The following CAST variants were observed in gnomAD, a reference collection of about 807,000 sequenced individuals.
The protein encoded by CAST is MIR583 host.
A neutral mutation model predicts 119.6 loss-of-function variants in CAST; 76 were observed. The ratio of observed to expected loss-of-function variants is 0.64; its 90% CI spans 0.53 to 0.77. The LOEUF (loss-of-function observed/expected upper bound fraction) is 0.77. Among genes scored for constraint, CAST ranks in the 30% least tolerant of loss-of-function variants. The pLI, the probability that CAST is intolerant of heterozygous loss-of-function variation, is 0.00. For synonymous variants in CAST, 319 were observed against 331.6 expected (o/e 0.96, Z 0.41); for missense variants, 953 against 946.5 (o/e 1.01, Z -0.09).
At chr5:96,044,480 G>A in the CAST span, among the ~76,000 whole-genome samples, 1 of 152,138 alleles carries the variant, frequency 6.6e-6, no homozygotes, top group African/African-American at 2.4e-5. Context: ...CCAGTACTAT[G>A]AGAAATAAAT....
the CAST span, among the ~76,000 whole-genome samples, chr5:96,448,567 T>G: frequency 0.72 from 108,867 of 151,960 alleles, 39,630 homozygotes; most frequent in African/African-American, 0.84. Flanking sequence ...TCTGCTGCTT[T>G]CTGCCTTTTC....
chr5:96,475,440 T>C, the CAST span, among the ~76,000 whole-genome samples: 4 of 152,220 alleles, frequency 2.6e-5, no homozygotes, highest in Non-Finnish European at 5.9e-5. Context: ...TGTTGTCCTT[T>C]CAGTCTTGCA....
rs550215938 is a variant in CAST at position 96,753,910 on chromosome 5, A to G, written c.1525-150A>G. 2.7e-5 allele frequency: 16 copies of G among 591,716 alleles called. No individual in the cohort carries two copies. In the African/African-American group the frequency reaches 3.0e-4, roughly 11 times the overall value. 36.7% of individuals were successfully genotyped at this position (591,716 alleles called of 1,614,324 possible). A position where few individuals can be genotyped will look rare whatever the true frequency, so the allele number is the denominator to read the frequency against. On this transcript the variant is annotated intron_variant, in intron 20 of 31. Coordinates refer to ENST00000675179, the MANE Select transcript of CAST (RefSeq NM_001750.7). The stretch of plus-strand genomic sequence containing the variant: ...ATGTTAAACGTTTTGTTTTTTAAAC[A>G]TAGATTCTAATTCAGTTGATAACTC...
intron 20 of CAST, among the ~76,000 whole-genome samples, chr5:96,751,352 C>T (rs898836629): frequency 6.6e-6 from 1 of 152,186 alleles, no homozygotes; most frequent in African/African-American, 2.4e-5. Context: ...TGTGCCATTG[C>T]TCTAGATGTT....
At chr5:95,994,614 G>A in the CAST span, among the ~76,000 whole-genome samples, 3 of 151,894 alleles carry the variant, frequency 2.0e-5, no homozygotes, top group Admixed American at 2.0e-4. Context: ...TGAATTTTAT[G>A]TTAAATTTAA....
At chr5:96,657,430 G>A (rs868339432), upstream of CAST, among the ~76,000 whole-genome samples, 11 of 152,236 alleles carry the variant, frequency 7.2e-5, no homozygotes, top group Middle Eastern at 0.02. Flanking sequence ...GTCTAGGCCT[G>A]GGAAAATTTA....
chr5:95,975,439 G>A, the CAST span, among the ~76,000 whole-genome samples: 1 of 152,146 alleles, frequency 6.6e-6, no homozygotes, highest in Non-Finnish European at 1.5e-5. Flanking sequence ...AACCCACTCT[G>A]TTTGGCACCC....
chr5:96,279,341 T>C, the CAST span, among the ~76,000 whole-genome samples: 1 of 152,196 alleles, frequency 6.6e-6, no homozygotes, highest in Non-Finnish European at 1.5e-5. Flanking sequence ...GCTGCGGATC[T>C]GAAGATGAGA....
At chr5:96,215,672 G>A in the CAST span, among the ~76,000 whole-genome samples, 1 of 152,106 alleles carries the variant, frequency 6.6e-6, no homozygotes, top group Admixed American at 6.5e-5. Flanking sequence ...AACCACTCAT[G>A]AGTCAGCAAG....
At chr5:96,682,453 C>G (rs558789896) in intron 2 of CAST, among the ~76,000 whole-genome samples, 1 of 152,324 alleles carries the variant, frequency 6.6e-6, no homozygotes, top group East Asian at 1.9e-4. Flanking sequence ...GCTCTTTACT[C>G]CATTTCATGA....
the CAST span, among the ~76,000 whole-genome samples, chr5:96,358,554 GA>G: frequency 6.6e-6 from 1 of 152,150 alleles, no homozygotes; most frequent in African/African-American, 2.4e-5. Context: ...TGGTTTCAAA[GA>G]ACTTATTTAT....
chr5:96,650,581 T>C (rs2150204896), intron 1 of CAST, among the ~76,000 whole-genome samples: 1 of 152,286 alleles, frequency 6.6e-6, no homozygotes, highest in South Asian at 2.1e-4. Context: ...AATCAGACAA[T>C]TGTCCTCTAA....
At chr5:96,570,865 T>C (rs1746555420) in intron 1 of CAST, among the ~76,000 whole-genome samples, 1 of 152,186 alleles carries the variant, frequency 6.6e-6, no homozygotes, top group African/African-American at 2.4e-5. Flanking sequence ...CCTGGGTAAG[T>C]GGAGGGTGAA....
At chr5:96,578,227 T>C (rs1044257907) in intron 1 of CAST, among the ~76,000 whole-genome samples, 9 of 152,132 alleles carry the variant, frequency 5.9e-5, no homozygotes, top group Non-Finnish European at 1.2e-4. Context: ...ATTTATCAGA[T>C]ATAAATATAG....
the CAST span, among the ~76,000 whole-genome samples, chr5:96,194,176 G>C: frequency 0.13 from 19,269 of 152,120 alleles, 1,714 homozygotes; most frequent in African/African-American, 0.23. Context: ...TTTGAACCCT[G>C]TTCCCTGATG....
intron 1 of CAST, among the ~76,000 whole-genome samples, chr5:96,577,702 T>C (rs1231521099): frequency 1.3e-5 from 2 of 152,150 alleles, no homozygotes; most frequent in Admixed American, 6.5e-5. Flanking sequence ...TGTCTTCTGT[T>C]ATTGGTTTCT....
intron 1 of CAST, among the ~76,000 whole-genome samples, chr5:96,543,313 A>G (rs189271368): frequency 3.2e-3 from 489 of 152,318 alleles, no homozygotes; most frequent in Non-Finnish European, 5.5e-3. Flanking sequence ...GTTCTCACTC[A>G]TAAGTGGGAG....
At chr5:96,186,750 G>A in the CAST span, among the ~76,000 whole-genome samples, 97 of 152,250 alleles carry the variant, frequency 6.4e-4, 1 homozygote, top group Admixed American at 1.6e-3. Flanking sequence ...CGTTTGGTTT[G>A]CCAGTATTCG....
At chr5:96,173,506 T>G in the CAST span, among the ~76,000 whole-genome samples, 1 of 152,320 alleles carries the variant, frequency 6.6e-6, no homozygotes, top group South Asian at 2.1e-4. Flanking sequence ...AGTAACCCAA[T>G]TGGAATACCC....
Sources: allele counts gnomAD v4.1 joint callset (sites outside exome capture counted in the v4.1 genomes callset), GRCh38; gene constraint gnomAD v4.1.1; transcripts MANE v1.5; gene names NCBI Gene and HGNC (gene_info 2026-07-23, HGNC 2026-07-21).